STRN: variants seen among roughly 807,000 people sequenced by gnomAD.
STRN encodes the protein striatin.
In STRN, 53 loss-of-function variants were observed where a neutral mutation model predicts 96.3. That is an observed-to-expected ratio of 0.55 (90% confidence interval 0.44 to 0.69). The LOEUF (loss-of-function observed/expected upper bound fraction) is 0.69, where lower values mean the gene tolerates loss of function less well. Ranked by LOEUF, STRN falls within the 30% of genes least tolerant of loss-of-function variation. The probability of loss-of-function intolerance (pLI) is 0.00; values close to 1 mark genes in which losing one functional copy is unlikely to be tolerated. For missense variants in STRN, 987 were observed against 963.9 expected, an observed-to-expected ratio of 1.02 and a Z score of -0.32; for synonymous variants, 428 against 355.9, an observed-to-expected ratio of 1.20 and a Z score of -2.28.
At chr2:36,923,052 G>A (rs1409555132) in intron 2 of STRN, among the ~76,000 whole-genome samples, 1 of 151,662 alleles carries the variant, frequency 6.6e-6, no homozygotes, top group South Asian at 2.1e-4. Flanking sequence ...TGAGGCAGGA[G>A]AATTGCTTGA....
intron 1 of STRN, among the ~76,000 whole-genome samples, chr2:36,960,263 C>T (rs1287889780): frequency 6.6e-6 from 1 of 152,152 alleles, no homozygotes; most frequent in Non-Finnish European, 1.5e-5. Flanking sequence ...TTCAAGGTAA[C>T]AGATACCTAC....
intron 6 of STRN, among the ~76,000 whole-genome samples, chr2:36,895,046 G>C (rs1313227389): frequency 6.6e-6 from 1 of 152,164 alleles, no homozygotes; most frequent in East Asian, 1.9e-4. Context: ...GTAAAGGAGT[G>C]GCCGGGCCCG....
At chr2:36,918,960 T>G (rs554680157) in intron 2 of STRN, among the ~76,000 whole-genome samples, 1 of 152,214 alleles carries the variant, frequency 6.6e-6, no homozygotes, top group Non-Finnish European at 1.5e-5. Flanking sequence ...CCTCCATAAA[T>G]GACCTTTATT....
chr2:36,847,106 A>T lies in STRN; in HGVS notation c.*2350T>A, dbSNP rs182641407. The T allele has an allele frequency of 4.0e-5, 6 of 151,850 alleles. No homozygotes were observed. In the East Asian group the frequency reaches 9.7e-4, roughly 25 times the overall value. 9.4% of individuals were successfully genotyped at this position (151,850 alleles called of 1,614,324 possible). On this transcript the variant is annotated 3_prime_UTR_variant, in exon 18 of 18. Coordinates refer to ENST00000263918, the MANE Select transcript of STRN (RefSeq NM_003162.4). ...AGATCATGCAGTGCTGGTAGAGAAG[A>T]CTCTCTCCGTAGTCTCCAATGCCAC...
intron 10 of STRN, among the ~76,000 whole-genome samples, chr2:36,870,606 G>A (rs1000953243): frequency 2.8e-4 from 43 of 152,286 alleles, no homozygotes; most frequent in African/African-American, 8.7e-4. Flanking sequence ...TGTTTGTGGT[G>A]ATGCTGGTAT....
rs1572617015 is a variant in STRN, at chr2:36,846,880, C to T, written c.*2576G>A. 6.6e-6 allele frequency: 1 copy of T among 152,038 alleles called. No homozygotes were observed. Among genetic ancestry groups the T allele is most frequent in the Non-Finnish European group, 1.5e-5 (1 of 68,018 alleles). 9.4% of individuals were successfully genotyped at this position (152,038 alleles called of 1,614,324 possible). A position where few individuals can be genotyped will look rare whatever the true frequency, so the allele number is the denominator to read the frequency against. On this transcript the variant is annotated 3_prime_UTR_variant, in exon 18 of 18. Transcript: ENST00000263918. ...AAATAAGGCAGGGATCCAAACCTCC[C>T]GCTAATTTTCATACTATTCCAATAC...
chr2:36,929,532 A>G (rs200888845), intron 1 of STRN, among the ~76,000 whole-genome samples: 1 of 152,060 alleles, frequency 6.6e-6, no homozygotes, highest in South Asian at 2.1e-4. Context: ...TTACAGGTGC[A>G]CACCACCACG....
rs1360404647 is a variant in STRN, at chr2:36,886,753, T to C, written c.1005A>G (p.Gln335=). The change falls in exon 8 of 18, where the codon CAA becomes CAG. Residue 335 remains glutamine (Q), a synonymous_variant. Transcript: ENST00000263918. The part of the protein sequence containing the change: ...DQGVITKLKE[Q]YKKERKGKKG... Reference sequence around the variant, plus strand: ...TTTTCCCCTTTCTCTCCTTTTTGTATTGTTCCTTGAGTTTGGTAATTACTC... The same window carrying C: ...TTTTCCCCTTTCTCTCCTTTTTGTACTGTTCCTTGAGTTTGGTAATTACTC... The C allele has an allele frequency of 3.7e-6, 6 of 1,613,530 alleles. No individual in the cohort carries two copies. Among genetic ancestry groups the C allele is most frequent in the Non-Finnish European group, 4.2e-6 (5 of 1,179,650 alleles).
At position 36,846,387 on chromosome 2, in the gene STRN, T is replaced by TTATTTA. The variant is rs1553390297; in HGVS notation, c.*3068_*3069insTAAATA. On this transcript the variant is annotated 3_prime_UTR_variant, in exon 18 of 18. Coordinates refer to ENST00000263918, the MANE Select transcript of STRN (RefSeq NM_003162.4). The stretch of plus-strand genomic sequence containing the variant: ...CAAAACAGTAAAATGCACCTATGGT[T>TTATTTA]TATATATATATATATATATATATAT... 3.8e-5 allele frequency: 3 copies of TTATTTA among 78,342 alleles called. No homozygotes were observed. Among genetic ancestry groups the TTATTTA allele is most frequent in the Non-Finnish European group, 6.5e-5 (3 of 46,196 alleles). The allele number at this position is 78,342 out of a possible 1,614,324, so 4.9% of individuals were successfully genotyped here.
chr2:36,873,047 C>G (rs1169694473), intron 10 of STRN, among the ~76,000 whole-genome samples: 1 of 68,048 alleles, frequency 1.5e-5, no homozygotes, highest in Non-Finnish European at 4.1e-5. Context: ...AACTGATGAA[C>G]CTGCCACGAC....
At chr2:36,920,638 CAAAA>C (rs1312882065) in intron 2 of STRN, among the ~76,000 whole-genome samples, 3 of 62,110 alleles carry the variant, frequency 4.8e-5, no homozygotes, top group Admixed American at 3.8e-4. Context: ...AACTCCGTCT[CAAAA>C]AAAAAAAAAA....
In STRN at chr2:36,867,410, C is replaced by T. The variant is rs78469675; in HGVS notation, c.1547+404G>A. ...AGAAAAGAAAAAGAAAAATATGGAA[C>T]CCTTCGTGAATCTGTGTCATCCTTG... is the stretch of plus-strand genomic sequence containing the variant. On this transcript the variant is annotated intron_variant, in intron 12 of 17. Coordinates refer to ENST00000263918, the MANE Select transcript of STRN (RefSeq NM_003162.4). The T allele has an allele frequency of 4.6e-3, 714 of 154,812 alleles. 7 individuals are homozygous for T. Among genetic ancestry groups the T allele is most frequent in the African/African-American group, 0.015 (643 of 41,640 alleles). 9.6% of individuals were successfully genotyped at this position (154,812 alleles called of 1,614,324 possible).
At chr2:36,881,382 C>A (rs1225541338) in intron 9 of STRN, among the ~76,000 whole-genome samples, 2 of 152,158 alleles carry the variant, frequency 1.3e-5, no homozygotes, top group Non-Finnish European at 2.9e-5. Context: ...CCCACCTCAG[C>A]CTCCCAAAGT....
At chr2:36,929,386 C>G (rs886187902) in intron 1 of STRN, among the ~76,000 whole-genome samples, 3 of 151,764 alleles carry the variant, frequency 2.0e-5, no homozygotes, top group African/African-American at 7.3e-5. Context: ...CCCCCCCACC[C>G]CTTTTTTTTT....
intron 1 of STRN, among the ~76,000 whole-genome samples, chr2:36,952,074 T>A (rs1664767658): frequency 6.6e-6 from 1 of 151,990 alleles, no homozygotes; most frequent in Non-Finnish European, 1.5e-5. Context: ...CACACAATTG[T>A]GGCTTATTCA....
rs1289803448 is a variant in STRN at position 36,848,700 on chromosome 2, G to C, written c.*756C>G. ...AAACCTGAATAAGTTAAATCTGTTA[G>C]TAAAAGCAGAGTCGATCAACTATTC... is the stretch of plus-strand genomic sequence containing the variant. On this transcript the variant is annotated 3_prime_UTR_variant, in exon 18 of 18. Coordinates refer to ENST00000263918, the MANE Select transcript of STRN (RefSeq NM_003162.4). The C allele has an allele frequency of 6.6e-6, 1 of 152,182 alleles. No homozygotes were observed. The highest frequency in any genetic ancestry group is 1.5e-5 in the Non-Finnish European group (1 of 68,012). The allele number at this position is 152,182 out of a possible 1,614,324, so 9.4% of individuals were successfully genotyped here.
At chr2:36,941,712 G>C (rs1009574585) in intron 1 of STRN, among the ~76,000 whole-genome samples, 1 of 139,902 alleles carries the variant, frequency 7.1e-6, no homozygotes, top group Admixed American at 6.9e-5. Context: ...ACCCCACCCA[G>C]CTAATTTTTT....
chr2:36,883,825 C>T, intron 9 of STRN, 107 bp downstream of exon 9: 1 of 1,072,842 alleles, frequency 9.3e-7, no homozygotes, highest in Non-Finnish European at 1.2e-6. Context: ...GCAGATCAAA[C>T]ATCTGCAGAA....
intron 8 of STRN, among the ~76,000 whole-genome samples, chr2:36,885,450 G>C (rs961118722): frequency 7.2e-5 from 11 of 152,030 alleles, no homozygotes; most frequent in African/African-American, 2.7e-4. Flanking sequence ...CCCTATGCTT[G>C]TTAAGATTAA....
Sources: allele counts gnomAD v4.1 joint callset (sites outside exome capture counted in the v4.1 genomes callset), GRCh38; gene constraint gnomAD v4.1.1; transcripts MANE v1.5; gene names NCBI Gene and HGNC (gene_info 2026-07-23, HGNC 2026-07-21).